The following SYT17 variants were observed in gnomAD, a reference collection of about 807,000 sequenced individuals.
The protein encoded by SYT17 is synaptotagmin 17.
In SYT17, 22 loss-of-function variants were observed where a neutral mutation model predicts 46.7. The ratio of observed to expected loss-of-function variants is 0.47; its 90% confidence interval spans 0.34 to 0.67. SYT17 has a LOEUF of 0.67. Among genes scored for constraint, SYT17 ranks in the 30% least tolerant of loss-of-function variants. The pLI, the probability that SYT17 is intolerant of heterozygous loss-of-function variation, is 0.01. For synonymous variants in SYT17, 251 were observed against 248.4 expected, an observed-to-expected ratio of 1.01 and a Z score of -0.10; for missense variants, 519 against 612.8, an observed-to-expected ratio of 0.85 and a Z score of 1.62.
At chr16:19,256,730 CA>C (rs1289552454) in intron 7 of SYT17, among the ~76,000 whole-genome samples, 1 of 152,040 alleles carries the variant, frequency 6.6e-6, no homozygotes, top group Non-Finnish European at 1.5e-5. Context: ...AGGCGTGCAC[CA>C]ACATGCCCAG....
Position 19,183,664 on chromosome 16 carries a change from G to T in SYT17, c.468G>T (p.Lys156Asn). 1 of 1,614,222 alleles carries T rather than the reference G, an allele frequency of 6.2e-7. No individual in the cohort carries two copies. Among genetic ancestry groups the T allele is most frequent in the Non-Finnish European group, 8.5e-7 (1 of 1,180,040 alleles). Residue 156 changes from lysine to asparagine, a missense_variant, in exon 5 of 8, where the codon AAG becomes AAT. Coordinates refer to ENST00000355377, the MANE Select transcript of SYT17 (RefSeq NM_016524.4). The surrounding 1 kb of genome is among the most constrained non-coding windows in gnomAD (Gnocchi z 5.6). ...RTYNPDDYFR[K>N]FEPHLYSLDS... ...ATAACCCCGACGACTATTTCAGGAA[G>T]TTCGAACCCCACCTGTACTCCCTCG... is the stretch of plus-strand genomic sequence containing the variant.
chr16:19,250,756 A>G (rs1366551725), intron 7 of SYT17, among the ~76,000 whole-genome samples: 1 of 152,078 alleles, frequency 6.6e-6, no homozygotes, highest in Admixed American at 6.6e-5. Context: ...TTGAAGTCCA[A>G]CACACATACA....
Position 19,183,872 on chromosome 16 carries a change from C to G in SYT17, c.676C>G (p.His226Asp). ...SHDGSRQDMA[H>D]SNPYVKICLL... ...CGATGGCTCGCGCCAGGACATGGCG[C>G]ACTCCAACCCCTACGTCAAGATCTG... Residue 226 changes from histidine (H) to aspartate (D), a missense_variant, in exon 5 of 8, where the codon CAC becomes GAC. Transcript: ENST00000355377. The surrounding 1 kb of genome is among the most constrained non-coding windows in gnomAD (Gnocchi z 5.6). 1.2e-6 allele frequency: 2 copies of G among 1,614,220 alleles called. No homozygotes were observed. The highest frequency in any genetic ancestry group is 1.7e-6 in the Non-Finnish European group (2 of 1,180,050).
intron 7 of SYT17, among the ~76,000 whole-genome samples, chr16:19,233,602 G>A (rs1966783829): frequency 6.6e-6 from 1 of 151,966 alleles, no homozygotes; most frequent in Non-Finnish European, 1.5e-5. Context: ...GCTGCAGTGA[G>A]CTAGGATCAT....
intron 5 of SYT17, among the ~76,000 whole-genome samples, chr16:19,193,599 T>G (rs1438569668): frequency 6.6e-6 from 1 of 152,214 alleles, no homozygotes; most frequent in Non-Finnish European, 1.5e-5. Context: ...GAAAGTCATC[T>G]GTTATCCTAG....
rs768242979 is a variant in SYT17, at chr16:19,183,809, G to C, written c.613G>C (p.Val205Leu). 6.2e-7 allele frequency: 1 copy of C among 1,614,040 alleles called. No homozygotes were observed. Among genetic ancestry groups the C allele is most frequent in the African/African-American group, 1.3e-5 (1 of 74,938 alleles). Residue 205 changes from valine (V) to leucine (L), a missense_variant, in exon 5 of 8, where the codon GTG becomes CTG. Coordinates refer to ENST00000355377, the MANE Select transcript of SYT17 (RefSeq NM_016524.4). This position sits in a 1 kb window ranked among gnomAD's most constrained non-coding sequence, Gnocchi z 5.6. ...DLLHNHLTVR[V>L]IEARDLPPPI... ...GCTGCACAACCACCTCACCGTGCGC[G>C]TGATCGAGGCCAGGGACCTGCCACC...
At chr16:19,191,364 A>G (rs1262064127) in intron 5 of SYT17, among the ~76,000 whole-genome samples, 1 of 152,218 alleles carries the variant, frequency 6.6e-6, no homozygotes, top group Non-Finnish European at 1.5e-5. Context: ...CAATGAGATT[A>G]GCGCCCTTGT....
chr16:19,211,659 C>T (rs1314274163), intron 5 of SYT17, among the ~76,000 whole-genome samples: 4 of 150,560 alleles, frequency 2.7e-5, no homozygotes, highest in South Asian at 2.1e-4. Flanking sequence ...CTCGCTCTGT[C>T]GCCGAGGCTG....
intron 5 of SYT17, among the ~76,000 whole-genome samples, chr16:19,187,726 A>G (rs1284279560): frequency 1.3e-5 from 2 of 152,206 alleles, no homozygotes; most frequent in South Asian, 2.1e-4. Context: ...GCCAACAATC[A>G]TATGAAAAAG....
At chr16:19,175,921 A>G (rs772918703) in intron 3 of SYT17, among the ~76,000 whole-genome samples, 2 of 152,188 alleles carry the variant, frequency 1.3e-5, no homozygotes, top group African/African-American at 4.8e-5. Flanking sequence ...TGTGGTATAC[A>G]CAGGGCTAGA....
intron 3 of SYT17, among the ~76,000 whole-genome samples, chr16:19,178,033 G>T (rs1303365666): frequency 6.6e-6 from 1 of 151,112 alleles, no homozygotes; most frequent in African/African-American, 2.4e-5. Context: ...GTATTAGTTT[G>T]TTTTCTGTTG....
At chr16:19,256,077 A>G (rs1968537388) in intron 7 of SYT17, among the ~76,000 whole-genome samples, 1 of 152,242 alleles carries the variant, frequency 6.6e-6, no homozygotes, top group Non-Finnish European at 1.5e-5. Context: ...AAATAATAAA[A>G]TAGAGGTAAT....
At chr16:19,186,763 T>TCCC (rs199969943) in intron 5 of SYT17, among the ~76,000 whole-genome samples, 2,119 of 152,344 alleles carry the variant, frequency 0.014, 24 homozygotes, top group Non-Finnish European at 0.02. Flanking sequence ...ACCCTTAAGA[T>TCCC]ATTTGTTTTC....
chr16:19,180,595 T>C (rs770989385), intron 4 of SYT17, 56 bp downstream of exon 4: 251 of 1,604,220 alleles, frequency 1.6e-4, no homozygotes, highest in Non-Finnish European at 2.0e-4. Flanking sequence ...CCAGACACTC[T>C]CCCACGGAGA....
At chr16:19,240,630 C>T (rs559906327) in intron 7 of SYT17, among the ~76,000 whole-genome samples, 113 of 152,328 alleles carry the variant, frequency 7.4e-4, no homozygotes, top group Middle Eastern at 6.8e-3. Context: ...ACGGGACTGG[C>T]GGCCTGGTCC....
intron 3 of SYT17, 70 bp downstream of exon 3, chr16:19,173,648 T>A: frequency 1.9e-6 from 3 of 1,551,810 alleles, no homozygotes; most frequent in Non-Finnish European, 2.6e-6. Flanking sequence ...AGAAGGCGGG[T>A]TGGGGGTCTG....
At chr16:19,227,724 C>A (rs1966547110) in intron 7 of SYT17, among the ~76,000 whole-genome samples, 1 of 152,194 alleles carries the variant, frequency 6.6e-6, no homozygotes, top group Non-Finnish European at 1.5e-5. Context: ...TTCACACAAA[C>A]AATATCCACA....
intron 5 of SYT17, among the ~76,000 whole-genome samples, chr16:19,204,000 G>A (rs1965569541): frequency 1.3e-5 from 2 of 152,208 alleles, no homozygotes; most frequent in Admixed American, 6.5e-5. Flanking sequence ...TTATCCTGAG[G>A]GGGATGGGAG....
At chr16:19,239,354 G>T (rs1966920834) in intron 7 of SYT17, among the ~76,000 whole-genome samples, 1 of 152,066 alleles carries the variant, frequency 6.6e-6, no homozygotes, top group Non-Finnish European at 1.5e-5. Flanking sequence ...GGGCCTGCAG[G>T]GCACAGCTTC....
Sources: gnomAD v4.1 joint callset for allele counts (sites outside exome capture counted in the v4.1 genomes callset) on GRCh38, gnomAD v4.1.1 for gene constraint, Gnocchi (gnomAD v3.1) non-coding constraint, MANE v1.5 for transcripts, NCBI Gene and HGNC (gene_info 2026-07-23, HGNC 2026-07-21) for gene names.